The following FLG variants were observed in gnomAD, a reference collection of about 807,000 sequenced individuals.
FLG encodes the protein epidermal filaggrin.
FLG carries 6 observed loss-of-function variants against 3.8 expected under a neutral mutation model. That is an observed-to-expected ratio of 1.60 (90% CI 0.87 to 3.15). The LOEUF (loss-of-function observed/expected upper bound fraction) is 3.15. Ranked by LOEUF, FLG falls within the 30% of genes most tolerant of loss-of-function variation. FLG has a pLI of 0.00. For synonymous variants in FLG, 2,551 were observed against 1,931.6 expected (o/e 1.32, Z -8.41); for missense variants, 7,595 against 5,050.9 (o/e 1.50, Z -15.27).
In FLG at chr1:152,302,350, C is replaced by G. The variant is rs1365639936; in HGVS notation, c.*350G>C. The G allele has an allele frequency of 3.4e-6, 1 of 290,722 alleles. No homozygotes were observed. The highest frequency in any genetic ancestry group is 9.2e-5 in the East Asian group (1 of 10,846). The allele number at this position is 290,722 out of a possible 1,614,324, so 18.0% of individuals were successfully genotyped here. Reference sequence around the variant, plus strand: ...AACTGTTTTATATTTTTGGCTCCTTCGATATTTCTGAAAAAGATTAATTTA... The same window carrying G: ...AACTGTTTTATATTTTTGGCTCCTTGGATATTTCTGAAAAAGATTAATTTA... On this transcript the variant is annotated 3_prime_UTR_variant, in exon 3 of 3. Transcript: ENST00000368799.
chr1:152,323,369 C>T (rs1653042110), intron 1 of FLG, among the ~76,000 whole-genome samples: 5 of 151,602 alleles, frequency 3.3e-5, no homozygotes. Context: ...ACAAGCCACA[C>T]AGTGGGAGGA....
Position 152,323,920 on chromosome 1 carries a change from T to C in FLG, c.-22+1269A>G, listed in dbSNP as rs138938819. 6.0e-3 allele frequency among the ~76,000 whole-genome samples: 910 copies of C among 151,874 alleles called. 30 individuals carry two copies. The highest frequency in any genetic ancestry group is 0.05 in the Admixed American group (753 of 15,212). On this transcript the variant is annotated intron_variant, in intron 1 of 2. Coordinates refer to ENST00000368799, the MANE Select transcript of FLG (RefSeq NM_002016.2). ...ACAAATGGATGAATAAATTGTTATA[T>C]TTTCAGATAACATAATAGTCAGTGT...
Position 152,309,459 on chromosome 1 carries a change from A to G in FLG, c.5427T>C (p.Gly1809=), listed in dbSNP as rs3120646. ...CTGGGTGTCCACGAATGGTGTCCTG[A>G]CCCTCTTGGGACGCTGAGTGCCTGG... ...DSSRHSASQE[G]QDTIRGHPGS... The change falls in exon 3 of 3, where the codon GGT becomes GGC. Residue 1809 remains glycine (G), a synonymous_variant. Transcript: ENST00000368799. The G allele has an allele frequency of 0.018, 29,380 of 1,612,286 alleles. 4,582 individuals are homozygous for G. The African/African-American group carries it at 0.35, about 19-fold the overall frequency.
chr1:152,311,038 G>A lies in FLG; in HGVS notation c.3848C>T (p.Ser1283Phe), dbSNP rs777269387. 6.2e-6 allele frequency: 10 copies of A among 1,613,916 alleles called. No homozygotes were observed. Among genetic ancestry groups the A allele is most frequent in the Non-Finnish European group, 8.5e-6 (10 of 1,179,966 alleles). Reference protein sequence around the residue: ...DSDSERHSDDSERLSGSASRN... With the variant: ...DSDSERHSDDFERLSGSASRN... ...GGAAGCAGACCCAGACAACCTCTCG[G>A]AGTCGTCTGAGTGTCTCTCACTGTC... Residue 1283 changes from serine to phenylalanine, a missense_variant, in exon 3 of 3, where the codon TCC becomes TTC. Physicochemically the swap from Ser to Phe is radical, Grantham distance 155 (BLOSUM62 -2). Transcript: ENST00000368799.
rs758810429 is a variant in FLG at position 152,311,920 on chromosome 1, T to C, written c.2966A>G (p.His989Arg). 1 of 1,613,998 alleles carries C rather than the reference T, an allele frequency of 6.2e-7. No homozygotes were observed. The highest frequency in any genetic ancestry group is 8.5e-7 in the Non-Finnish European group (1 of 1,180,008). ...RHGSRHPRSH[H>R]EDRAGHGHSA... ...GTGCCCGTGACCGGCTCTGTCTTCG[T>C]GATGGGACCTGGGGTGTCTGGAGCC... Residue 989 changes from histidine to arginine, a missense_variant, in exon 3 of 3, where the codon CAC becomes CGC. By Grantham distance (29) the His-to-Arg change is conservative. Transcript: ENST00000368799.
At chr1:152,320,579 A>G (rs1299209474) in intron 1 of FLG, among the ~76,000 whole-genome samples, 1 of 151,184 alleles carries the variant, frequency 6.6e-6, no homozygotes. Context: ...AAAAATCGAC[A>G]GAAGTATAAG....
At position 152,304,971 on chromosome 1, in the gene FLG, G is replaced by T. The variant is rs1305677733; in HGVS notation, c.9915C>A (p.Arg3305=). Residue 3305 remains arginine, a synonymous_variant, in exon 3 of 3, where the codon CGC becomes CGA. Transcript: ENST00000368799. ...TGGAGCTGTCTGCTGACTGCTGGTG[G>T]CGGGATCCGTGTCTCTCTCCTGGAC... ...RSSPGERHGS[R]HQQSADSSRH... 5 of 1,613,588 alleles carry T rather than the reference G, an allele frequency of 3.1e-6. No individual in the cohort carries two copies. Among genetic ancestry groups the T allele is most frequent in the Non-Finnish European group, 3.4e-6 (4 of 1,179,972 alleles).
Position 152,305,243 on chromosome 1 carries a change from C to T in FLG, c.9643G>A (p.Val3215Met), listed in dbSNP as rs1243611071. The T allele has an allele frequency of 5.0e-6, 8 of 1,612,736 alleles. No individual in the cohort carries two copies. The highest frequency in any genetic ancestry group is 1.3e-5 in the African/African-American group (1 of 74,548). ...CCCTCACTGTCACTGTCCTGGCTCA[C>T]ACTGGATCCCTGGCGCCTGCTTCTC... ...SRRSRRQGSS[V>M]SQDSDSEGHS... Residue 3215 changes from valine (V) to methionine (M), a missense_variant, in exon 3 of 3, where the codon GTG becomes ATG. Coordinates refer to ENST00000368799, the MANE Select transcript of FLG (RefSeq NM_002016.2).
rs911935328 is a variant in FLG, at chr1:152,318,551, T to C, written c.-21-3074A>G. Among the ~76,000 whole-genome samples the C allele has an allele frequency of 2.0e-5, 3 of 151,792 alleles. No homozygotes were observed. The South Asian group carries it at 6.2e-4, about 31-fold the overall frequency. On this transcript the variant is annotated intron_variant, in intron 1 of 2. Transcript: ENST00000368799. ...AAAAGGTTGGAAATATCTGTGGCTG[T>C]GTCTTAGACCTTCTTTTTAAAAAAA...
rs955204280 is a variant in FLG at position 152,313,262 on chromosome 1, A to C, written c.1624T>G (p.Ser542Ala). Residue 542 changes from serine to alanine, a missense_variant, in exon 3 of 3, where the codon TCA becomes GCA. By Grantham distance (99) the Ser-to-Ala change is moderately conservative. Coordinates refer to ENST00000368799, the MANE Select transcript of FLG (RefSeq NM_002016.2). ...GTGGTGTGGCTGTGATGGGAACCTG[A>C]GTGTCCAGACCTATTTACCGATTGC... ...HEQSVNRSGH[S>A]GSHHSHTTSQ... 14 of 1,613,610 alleles carry C rather than the reference A, an allele frequency of 8.7e-6. No homozygotes were observed. The highest frequency in any genetic ancestry group is 1.3e-5 in the African/African-American group (1 of 74,684).
rs199574917 is a variant in FLG at position 152,308,027 on chromosome 1, C to T, written c.6859G>A (p.Glu2287Lys). 5.1e-5 allele frequency: 83 copies of T among 1,614,078 alleles called. No homozygotes were observed. The highest frequency in any genetic ancestry group is 6.4e-5 in the Non-Finnish European group (75 of 1,180,038). Reference sequence around the variant, plus strand: ...GAGTGCCCATGACCGGCTCTGTCTTCGTGATGGGACCTGGGGTGTCTGGAG... The same window carrying T: ...GAGTGCCCATGACCGGCTCTGTCTTTGTGATGGGACCTGGGGTGTCTGGAG... ...DGSRHPRSHH[E>K]DRAGHGHSAE... is the part of the protein sequence containing the mutation. Residue 2287 changes from glutamate to lysine, a missense_variant, in exon 3 of 3, where the codon GAA becomes AAA. Glu to Lys is a moderately conservative substitution (Grantham distance 56). Transcript: ENST00000368799.
In FLG at chr1:152,314,630, A is replaced by G. The variant is rs367585948; in HGVS notation, c.256T>C (p.Tyr86His). 30 of 1,613,884 alleles carry G rather than the reference A, an allele frequency of 1.9e-5. No homozygotes were observed. The highest frequency in any genetic ancestry group is 2.5e-5 in the Non-Finnish European group (29 of 1,179,968). The stretch of plus-strand genomic sequence containing the variant: ...AAATTCTCTTTTCTGGTAGACTCAT[A>G]ATATGCTTGAGCCAACTTGAATACC... ...LMVFKLAQAY[Y>H]ESTRKENLPI... Residue 86 changes from tyrosine to histidine, a missense_variant, in exon 3 of 3, where the codon TAT becomes CAT. By Grantham distance (83) the Tyr-to-His change is moderately conservative. Transcript: ENST00000368799.
chr1:152,323,942 GT>G (rs1570922887), intron 1 of FLG, among the ~76,000 whole-genome samples: 1 of 151,806 alleles, frequency 6.6e-6, no homozygotes, highest in East Asian at 1.9e-4. Flanking sequence ...ATAATAGTCA[GT>G]GTTGGGAGAT....
Position 152,303,403 on chromosome 1 carries a change from G to C in FLG, c.11483C>G (p.Ser3828Trp), listed in dbSNP as rs774898663. 6.2e-7 allele frequency: 1 copy of C among 1,614,068 alleles called. No homozygotes were observed. The highest frequency in any genetic ancestry group is 1.1e-5 in the South Asian group (1 of 91,072). ...QSGDGSRHSG[S>W]RHHEASTQAD... ...CTGAGTGGAAGCTTCATGGTGACGC[G>C]ACCCTGAGTGCCTGGAGCCGTCTCC... The change falls in exon 3 of 3, where the codon TCG (serine) becomes TGG (tryptophan). Residue 3828 changes from serine (S) to tryptophan (W), a missense_variant. Physicochemically the swap from Ser to Trp is radical, Grantham distance 177. Coordinates refer to ENST00000368799, the MANE Select transcript of FLG (RefSeq NM_002016.2).
Position 152,309,196 on chromosome 1 carries a change from T to C in FLG, c.5690A>G (p.His1897Arg). ...TGATTGTCCCTGGCCCACCTGCGAG[T>C]GTCTAGAGCTGTCGGCCCGAGAGGA... ...EASSRADSSR[H>R]SQVGQGQSSG... Residue 1897 changes from histidine to arginine, a missense_variant, in exon 3 of 3, where the codon CAC becomes CGC. Coordinates refer to ENST00000368799, the MANE Select transcript of FLG (RefSeq NM_002016.2). 6.2e-7 allele frequency: 1 copy of C among 1,613,442 alleles called. No individual in the cohort carries two copies.
rs541289309 is a variant in FLG, at chr1:152,308,787, G to A, written c.6099C>T (p.Asp2033=). The change falls in exon 3 of 3, where the codon GAC becomes GAT. Residue 2033 remains aspartate (D), a synonymous_variant. Coordinates refer to ENST00000368799, the MANE Select transcript of FLG (RefSeq NM_002016.2). ...TACCACTGTACCCTCGGTGTCCACTGTCTCTGACTGCAGATGAAGCTTGTC... is the reference window on the plus strand; with the variant it reads ...TACCACTGTACCCTCGGTGTCCACTATCTCTGACTGCAGATGAAGCTTGTC... ...GHGQASSAVR[D]SGHRGYSGSQ... 6.2e-6 allele frequency: 10 copies of A among 1,614,184 alleles called. No homozygotes were observed. Among genetic ancestry groups the A allele is most frequent in the Non-Finnish European group, 7.6e-6 (9 of 1,180,022 alleles).
In FLG at chr1:152,312,844, C is replaced by T. The variant is rs772621287; in HGVS notation, c.2042G>A (p.Gly681Asp). Residue 681 changes from glycine (G) to aspartate (D), a missense_variant, in exon 3 of 3, where the codon GGC becomes GAC. Physicochemically the swap from Gly to Asp is moderately conservative, Grantham distance 94. Transcript: ENST00000368799. ...GHSADSSRKS[G>D]TRHTQNSSSG... ...AGAGGAATTCTGTGTGTGACGAGTG[C>T]CTGATTTTCTGGAGCTGTCTGCAGA... 6 of 1,613,950 alleles carry T rather than the reference C, an allele frequency of 3.7e-6. No individual in the cohort carries two copies. The Admixed American group carries it at 5.0e-5, about 13-fold the overall frequency.
In FLG at chr1:152,302,767, C is replaced by T. The variant is rs1053086412; in HGVS notation, c.12119G>A (p.Gly4040Asp). Residue 4040 changes from glycine to aspartate, a missense_variant, in exon 3 of 3, where the codon GGC becomes GAC. Gly to Asp is a moderately conservative substitution (Grantham distance 94). Coordinates refer to ENST00000368799, the MANE Select transcript of FLG (RefSeq NM_002016.2). Reference sequence around the variant, plus strand: ...TTGTTTCGATATATCACTAGAATGGCCACATAAACCTGGGTCCTTATTAAT... The same window carrying T: ...TTGTTTCGATATATCACTAGAATGGTCACATAAACCTGGGTCCTTATTAAT... ...TYINKDPGLC[G>D]HSSDISKQLG... 1 of 1,614,130 alleles carries T rather than the reference C, an allele frequency of 6.2e-7. No homozygotes were observed. Among genetic ancestry groups the T allele is most frequent in the Non-Finnish European group, 8.5e-7 (1 of 1,180,010 alleles).
Position 152,309,609 on chromosome 1 carries a change from A to C in FLG, c.5277T>G (p.Ser1759=), listed in dbSNP as rs749793904. The C allele has an allele frequency of 6.2e-7, 1 of 1,613,836 alleles. No individual in the cohort carries two copies. Among genetic ancestry groups the C allele is most frequent in the East Asian group, 2.2e-5 (1 of 44,816 alleles). The change falls in exon 3 of 3, where the codon TCT becomes TCG. Residue 1759 remains serine (S), a synonymous_variant. Coordinates refer to ENST00000368799, the MANE Select transcript of FLG (RefSeq NM_002016.2). ...ESTRGQSGER[S]GRSGSFLYQV... ...GGTAGAGGAAAGACCCTGAACGTCC[A>C]GACCTTTCCCCTGACTGGCCACGTG...
Sources: gnomAD v4.1 joint callset for allele counts (sites outside exome capture counted in the v4.1 genomes callset) on GRCh38, gnomAD v4.1.1 for gene constraint, MANE v1.5 for transcripts, NCBI Gene and HGNC (gene_info 2026-07-23, HGNC 2026-07-21) for gene names.